OSBPL8: variants seen among roughly 807,000 people sequenced by gnomAD.
The protein encoded by OSBPL8 is oxysterol binding protein like 8.
A neutral mutation model predicts 125.5 loss-of-function variants in OSBPL8; 59 were observed. The observed-to-expected ratio is 0.47, with a 90% CI of 0.38 to 0.58. The LOEUF is 0.58. Among genes scored for constraint, OSBPL8 ranks in the 20% least tolerant of loss-of-function variants. OSBPL8 has a pLI of 0.00. For synonymous variants in OSBPL8, 330 were observed against 338.9 expected, an observed-to-expected ratio of 0.97 and a Z score of 0.29; for missense variants, 758 against 1,047.8, an observed-to-expected ratio of 0.72 and a Z score of 3.82.
rs543739549 is a variant in OSBPL8 at position 76,519,401 on chromosome 12, G to A, written c.-67-31783C>T. Among the ~76,000 whole-genome samples the A allele has an allele frequency of 6.6e-5, 10 of 152,206 alleles. 1 individual carries two copies. In the South Asian group the frequency reaches 1.9e-3, roughly 28 times the overall value. On this transcript the variant is annotated intron_variant, in intron 1 of 23. Transcript: ENST00000261183. ...TTCTATCAGTATTTTGGTCACAACC[G>A]TTTATCCAGTATCTAAGAAATTCCA...
chr12:76,375,363 A>C lies in OSBPL8; in HGVS notation c.1737T>G (p.Leu579=). Residue 579 remains leucine, a synonymous_variant, in exon 17 of 24, where the codon CTT becomes CTG. Coordinates refer to ENST00000261183, the MANE Select transcript of OSBPL8 (RefSeq NM_020841.5). The part of the protein sequence containing the change: ...TMPYAHCKGI[L]YGTMTLELGG... ...CAAGCTCCAGTGTCATTGTACCATA[A>C]AGAATTCCTAAAGGAAAAAGATTTG... 1.9e-6 allele frequency: 3 copies of C among 1,609,788 alleles called. No homozygotes were observed. The South Asian group carries it at 3.3e-5, about 18-fold the overall frequency.
At chr12:76,494,550 G>A (rs1363970464) in intron 1 of OSBPL8, among the ~76,000 whole-genome samples, 1 of 152,168 alleles carries the variant, frequency 6.6e-6, no homozygotes, top group Non-Finnish European at 1.5e-5. Context: ...CTGAGAAGAA[G>A]CAGAATTCTA....
At position 76,529,611 on chromosome 12, in the gene OSBPL8, G is replaced by A. The variant is rs1211874946; in HGVS notation, c.-68+29786C>T. On this transcript the variant is annotated intron_variant, in intron 1 of 23. Coordinates refer to ENST00000261183, the MANE Select transcript of OSBPL8 (RefSeq NM_020841.5). ...CAGTAGATCTGTATCTGAATACATCGTTGAAACCCTTTCTGTGAAAAACTG... is the reference window on the plus strand; with the variant it reads ...CAGTAGATCTGTATCTGAATACATCATTGAAACCCTTTCTGTGAAAAACTG... Among the ~76,000 whole-genome samples, 6 of 151,842 alleles carry A rather than the reference G, an allele frequency of 4.0e-5. No homozygotes were observed. In the East Asian group the frequency reaches 5.8e-4, roughly 15 times the overall value.
Position 76,361,467 on chromosome 12 carries a change from A to C in OSBPL8, c.2329-2656T>G, listed in dbSNP as rs554933996. Among the ~76,000 whole-genome samples the C allele has an allele frequency of 2.0e-5, 3 of 152,330 alleles. No homozygotes were observed. In the East Asian group the frequency reaches 5.8e-4, roughly 29 times the overall value. On this transcript the variant is annotated intron_variant, in intron 21 of 23. Coordinates refer to ENST00000261183, the MANE Select transcript of OSBPL8 (RefSeq NM_020841.5). ...TTTCCTGTCTTCTTCTGAGCCCTCCAAACTGTTGCAACCTCTGCCTGATAC... is the reference window on the plus strand; with the variant it reads ...TTTCCTGTCTTCTTCTGAGCCCTCCCAACTGTTGCAACCTCTGCCTGATAC...
chr12:76,525,794 AAAC>A (rs745533487), intron 1 of OSBPL8, among the ~76,000 whole-genome samples: 2 of 152,244 alleles, frequency 1.3e-5, no homozygotes, highest in East Asian at 3.8e-4. Context: ...AAAAATAAAA[AAAC>A]AAAGGGAAAA....
intron 1 of OSBPL8, among the ~76,000 whole-genome samples, chr12:76,529,021 ATGAAGTTAT>A (rs1430664198): frequency 6.6e-6 from 1 of 152,166 alleles, no homozygotes; most frequent in East Asian, 1.9e-4. Context: ...AAAAAGCAGT[ATGAAGTTAT>A]TATGTCACTA....
intron 8 of OSBPL8, among the ~76,000 whole-genome samples, chr12:76,396,435 T>G (rs1266717636): frequency 6.6e-6 from 1 of 152,168 alleles, no homozygotes; most frequent in Non-Finnish European, 1.5e-5. Context: ...GCTGGCCTTC[T>G]TAGAAACTAA....
In OSBPL8 at chr12:76,487,574, C is replaced by T. The variant is rs1159810329; in HGVS notation, c.-23G>A. On this transcript the variant is annotated 5_prime_UTR_variant, in exon 2 of 24. Transcript: ENST00000261183. ...CATAATGAAAGAAGATAGGTTTATG[C>T]TTCTCTTTCCATTAATGTGCAGCCA... The T allele has an allele frequency of 1.5e-5, 24 of 1,580,148 alleles. No individual in the cohort carries two copies. Among genetic ancestry groups the T allele is most frequent in the Non-Finnish European group, 2.1e-5 (24 of 1,168,190 alleles).
rs367910508 is a variant in OSBPL8 at position 76,445,206 on chromosome 12, T to C, written c.217+5645A>G. Reference sequence around the variant, plus strand: ...ACTCAGTAATGCAGGCATAAAATGATAGAGATCTAACCAAGATGGTAAAAG... The same window carrying C: ...ACTCAGTAATGCAGGCATAAAATGACAGAGATCTAACCAAGATGGTAAAAG... On this transcript the variant is annotated intron_variant, in intron 4 of 23. Coordinates refer to ENST00000261183, the MANE Select transcript of OSBPL8 (RefSeq NM_020841.5). Among the ~76,000 whole-genome samples, 176 of 152,260 alleles carry C rather than the reference T, an allele frequency of 1.2e-3. 6 individuals carry two copies. The South Asian group carries it at 0.033, about 29-fold the overall frequency.
intron 18 of OSBPL8, chr12:76,371,904 G>C (rs189843117): frequency 5.7e-6 from 1 of 174,418 alleles, no homozygotes; most frequent in African/African-American, 2.4e-5. Context: ...TGTCCAAGTA[G>C]AGCATAGTAT....
chr12:76,364,870 A>T (rs1396227625), intron 21 of OSBPL8, among the ~76,000 whole-genome samples: 1 of 152,124 alleles, frequency 6.6e-6, no homozygotes, highest in Non-Finnish European at 1.5e-5. Flanking sequence ...TTCCATGTGA[A>T]TTTGAAAATC....
intron 16 of OSBPL8, among the ~76,000 whole-genome samples, chr12:76,377,583 G>C (rs1017674524): frequency 2.0e-5 from 3 of 152,186 alleles, no homozygotes; most frequent in Non-Finnish European, 2.9e-5. Context: ...AAAAGTGTCT[G>C]TTCGTATCCT....
At chr12:76,437,793 T>G (rs1871655899) in intron 4 of OSBPL8, among the ~76,000 whole-genome samples, 2 of 152,182 alleles carry the variant, frequency 1.3e-5, no homozygotes, top group Admixed American at 1.3e-4. Flanking sequence ...ACATGGTCTG[T>G]TTATTTAGAA....
At chr12:76,360,569 G>C (rs145165587) in intron 21 of OSBPL8, among the ~76,000 whole-genome samples, 1,991 of 152,354 alleles carry the variant, frequency 0.013, 23 homozygotes, top group Non-Finnish European at 0.022. Context: ...TAGGGACTCT[G>C]TGGGGGGCTC....
At chr12:76,369,402 T>A in intron 20 of OSBPL8, 101 bp from the exon 21 acceptor site, 1 of 1,447,306 alleles carries the variant, frequency 6.9e-7, no homozygotes, top group Non-Finnish European at 9.1e-7. Flanking sequence ...ATTATATACA[T>A]AGTTCTAATA....
chr12:76,555,196 GAATA>G (rs1406578070), intron 1 of OSBPL8, among the ~76,000 whole-genome samples: 1 of 152,026 alleles, frequency 6.6e-6, no homozygotes, highest in Non-Finnish European at 1.5e-5. Flanking sequence ...TCACAACAAT[GAATA>G]GATAAATGAC....
chr12:76,386,712 C>G (rs1953329147), intron 12 of OSBPL8, 52 bp from the exon 13 acceptor site: 1 of 1,288,162 alleles, frequency 7.8e-7, no homozygotes, highest in African/African-American at 1.5e-5. Flanking sequence ...CACAAATTCT[C>G]TCTCACATTT....
intron 1 of OSBPL8, among the ~76,000 whole-genome samples, chr12:76,535,936 T>C (rs1459036300): frequency 6.6e-6 from 1 of 152,204 alleles, no homozygotes; most frequent in Non-Finnish European, 1.5e-5. Flanking sequence ...GAAAGTTCTA[T>C]ATCTGTATCT....
chr12:76,505,111 C>G (rs1260684064), intron 1 of OSBPL8, among the ~76,000 whole-genome samples: 1 of 152,136 alleles, frequency 6.6e-6, no homozygotes, highest in Non-Finnish European at 1.5e-5. Flanking sequence ...ACTCCAGTCT[C>G]TCATTTAACC....
Sources: allele counts gnomAD v4.1 joint callset (sites outside exome capture counted in the v4.1 genomes callset), GRCh38; gene constraint gnomAD v4.1.1; transcripts MANE v1.5; gene names NCBI Gene and HGNC (gene_info 2026-07-23, HGNC 2026-07-21).